The following HPSE2 variants were observed in gnomAD, a reference collection of about 807,000 sequenced individuals.
HPSE2 encodes the protein inactive heparanase-2.
HPSE2 carries 38 observed loss-of-function variants against 60.5 expected under a neutral mutation model. That is an observed-to-expected ratio of 0.63 (90% CI 0.48 to 0.82). The LOEUF is 0.82. HPSE2 is among the 40% of genes least tolerant of loss of function. The pLI, the probability that HPSE2 is intolerant of heterozygous loss-of-function variation, is 0.00. For missense variants in HPSE2, 713 were observed against 740.4 expected (o/e 0.96, Z 0.43); for synonymous variants, 295 against 293.2 (o/e 1.01, Z -0.06).
chr10:98,655,694 T>C (rs1324502294), intron 6 of HPSE2, among the ~76,000 whole-genome samples: 1 of 152,242 alleles, frequency 6.6e-6, no homozygotes, highest in Non-Finnish European at 1.5e-5. Flanking sequence ...TCATCATGCA[T>C]GTCAACACTG....
chr10:99,243,935 C>T, the HPSE2 span, among the ~76,000 whole-genome samples: 4 of 151,986 alleles, frequency 2.6e-5, no homozygotes, highest in East Asian at 7.7e-4. Flanking sequence ...GACTCAGTCT[C>T]GAAAATAAAA....
At chr10:99,065,848 G>C (rs1842597517) in intron 3 of HPSE2, among the ~76,000 whole-genome samples, 1 of 152,164 alleles carries the variant, frequency 6.6e-6, no homozygotes, top group Non-Finnish European at 1.5e-5. Context: ...ATGATGTTGG[G>C]AACAAAATCC....
intron 6 of HPSE2, among the ~76,000 whole-genome samples, chr10:98,659,968 C>T (rs1217923218): frequency 1.3e-5 from 2 of 152,150 alleles, no homozygotes; most frequent in Admixed American, 1.3e-4. Context: ...ACTTGTGAGG[C>T]ATTAATAAGC....
chr10:99,145,466 AAAAAG>A (rs1221130789), intron 2 of HPSE2, among the ~76,000 whole-genome samples: 236 of 152,122 alleles, frequency 1.6e-3, no homozygotes, highest in Admixed American at 3.3e-3. Context: ...AAAAAAAAAA[AAAAAG>A]AAGAAGAAGA....
At chr10:98,825,886 A>G (rs974054795) in intron 3 of HPSE2, among the ~76,000 whole-genome samples, 1 of 152,208 alleles carries the variant, frequency 6.6e-6, no homozygotes, top group Non-Finnish European at 1.5e-5. Context: ...CAGCCATTTT[A>G]TGACTATGAG....
intron 6 of HPSE2, among the ~76,000 whole-genome samples, chr10:98,688,304 A>G (rs567891709): frequency 7.9e-5 from 12 of 151,942 alleles, no homozygotes; most frequent in Non-Finnish European, 1.5e-4. Flanking sequence ...TACAATTTAT[A>G]TTTTTGCATG....
intron 11 of HPSE2, among the ~76,000 whole-genome samples, chr10:98,472,202 A>ATG (rs1345382757): frequency 2.6e-5 from 4 of 151,644 alleles, no homozygotes; most frequent in African/African-American, 9.7e-5. Context: ...ATATATATAT[A>ATG]TACTCTTACA....
intron 2 of HPSE2, among the ~76,000 whole-genome samples, chr10:99,182,090 T>C (rs1408508693): frequency 3.3e-5 from 5 of 152,232 alleles, no homozygotes; most frequent in Non-Finnish European, 5.9e-5. Flanking sequence ...TTGTGATTAA[T>C]AAATGTTTGA....
intron 3 of HPSE2, among the ~76,000 whole-genome samples, chr10:99,099,699 G>A (rs1843869557): frequency 6.6e-6 from 1 of 152,232 alleles, no homozygotes; most frequent in Admixed American, 6.5e-5. Flanking sequence ...GCCTCCTCAA[G>A]TGGGTCCCTG....
intron 3 of HPSE2, among the ~76,000 whole-genome samples, chr10:98,960,473 C>T (rs1299338551): frequency 6.6e-6 from 1 of 151,832 alleles, no homozygotes. Flanking sequence ...AAAGATTAAT[C>T]AAGAATAAAA....
chr10:98,571,985 C>T (rs893709579), intron 9 of HPSE2, among the ~76,000 whole-genome samples: 10 of 146,792 alleles, frequency 6.8e-5, no homozygotes, highest in African/African-American at 2.6e-4. Context: ...GTTGCCCAGG[C>T]GGGAGTGCAG....
the HPSE2 span, among the ~76,000 whole-genome samples, chr10:99,262,384 A>G: frequency 6.6e-6 from 1 of 152,004 alleles, no homozygotes; most frequent in East Asian, 1.9e-4. Flanking sequence ...TGCTTTCCTG[A>G]CTATTCCTGG....
At chr10:99,283,678 A>G in the HPSE2 span, among the ~76,000 whole-genome samples, 2 of 152,124 alleles carry the variant, frequency 1.3e-5, no homozygotes, top group African/African-American at 2.4e-5. Flanking sequence ...GGACATTACT[A>G]CTGATTTTAT....
intron 6 of HPSE2, among the ~76,000 whole-genome samples, chr10:98,660,493 C>T (rs1316838642): frequency 6.6e-6 from 1 of 152,190 alleles, no homozygotes; most frequent in African/African-American, 2.4e-5. Context: ...TTAAAATTAG[C>T]CACTATTAAA....
intron 2 of HPSE2, among the ~76,000 whole-genome samples, chr10:99,154,040 G>A (rs1248968573): frequency 6.6e-6 from 1 of 151,736 alleles, no homozygotes; most frequent in Non-Finnish European, 1.5e-5. Flanking sequence ...AGCGAGAAGG[G>A]AAGTTTAGAG....
intron 2 of HPSE2, among the ~76,000 whole-genome samples, chr10:99,208,456 A>C (rs1358814958): frequency 6.6e-6 from 1 of 152,120 alleles, no homozygotes; most frequent in Non-Finnish European, 1.5e-5. Context: ...AGGCCAAAGC[A>C]GGCATATTTC....
chr10:98,486,587 A>G (rs1941448986), intron 10 of HPSE2, among the ~76,000 whole-genome samples: 1 of 152,088 alleles, frequency 6.6e-6, no homozygotes, highest in Non-Finnish European at 1.5e-5. Context: ...CCTAAATGTA[A>G]GAGGTGGGGA....
At chr10:99,019,800 C>A (rs1957221980) in intron 3 of HPSE2, among the ~76,000 whole-genome samples, 2 of 151,882 alleles carry the variant, frequency 1.3e-5, no homozygotes, top group East Asian at 1.9e-4. Flanking sequence ...ACCTCTGCCC[C>A]CCAGATTCAA....
At chr10:98,944,387 A>G (rs1013433407) in intron 3 of HPSE2, among the ~76,000 whole-genome samples, 1 of 152,110 alleles carries the variant, frequency 6.6e-6, no homozygotes, top group African/African-American at 2.4e-5. Context: ...TTTCTTATCT[A>G]AAAAGGAAAG....
Sources: gnomAD v4.1 joint callset for allele counts (sites outside exome capture counted in the v4.1 genomes callset) on GRCh38, gnomAD v4.1.1 for gene constraint, MANE v1.5 for transcripts, NCBI Gene and HGNC (gene_info 2026-07-23, HGNC 2026-07-21) for gene names.